PLD5: variants seen among roughly 807,000 people sequenced by gnomAD.
PLD5 encodes the protein inactive phospholipase D5.
PLD5 carries 36 observed loss-of-function variants against 61.1 expected under a neutral mutation model. That is an observed-to-expected ratio of 0.59 (90% CI 0.45 to 0.78). The LOEUF (loss-of-function observed/expected upper bound fraction) is 0.78. Ranked by LOEUF, PLD5 falls within the 30% of genes least tolerant of loss-of-function variation. The pLI is 0.00. For missense variants in PLD5, 515 were observed against 644.4 expected (o/e 0.80, Z 2.17); for synonymous variants, 243 against 242.8 (o/e 1.00, Z -0.01).
In PLD5 at chr1:242,174,033, C is replaced by A. The variant is rs935949397; in HGVS notation, c.735+45955G>T. ...ACACCAAAAGCAATGGCAACAAAAG[C>A]CAAAATGGACAAATGGGATCTAATT... is the stretch of plus-strand genomic sequence containing the variant. On this transcript the variant is annotated intron_variant, in intron 5 of 9. Transcript: ENST00000536534. Among the ~76,000 whole-genome samples, 7 of 151,918 alleles carry A rather than the reference C, an allele frequency of 4.6e-5. No individual in the cohort carries two copies. The South Asian group carries it at 6.3e-4, about 14-fold the overall frequency.
At chr1:242,155,983 C>T (rs1250441786) in intron 5 of PLD5, among the ~76,000 whole-genome samples, 2 of 152,164 alleles carry the variant, frequency 1.3e-5, no homozygotes, top group Non-Finnish European at 2.9e-5. Context: ...GTGTGGGAGT[C>T]TAAGTCTCTT....
chr1:242,485,306 T>C (rs887849504), intron 1 of PLD5, among the ~76,000 whole-genome samples: 1 of 152,210 alleles, frequency 6.6e-6, no homozygotes, highest in Non-Finnish European at 1.5e-5. Flanking sequence ...CGATGACTTC[T>C]AGAAAACCCC....
intron 6 of PLD5, among the ~76,000 whole-genome samples, chr1:242,117,748 CT>C (rs36028930): frequency 0.038 from 5,764 of 152,240 alleles, 356 homozygotes; most frequent in African/African-American, 0.13. Flanking sequence ...CTATTTATTT[CT>C]TTTGCTTTTT....
intron 5 of PLD5, among the ~76,000 whole-genome samples, chr1:242,125,213 T>C (rs978107437): frequency 1.3e-5 from 2 of 152,220 alleles, no homozygotes; most frequent in Non-Finnish European, 2.9e-5. Context: ...GTTGCTATGA[T>C]AATTGAAATG....
rs1267490632 is a variant in PLD5, at chr1:242,087,612, G to GTATT, written c.*2238_*2241dup. The GTATT allele has an allele frequency of 6.6e-6, 1 of 151,804 alleles. No homozygotes were observed. Among genetic ancestry groups the GTATT allele is most frequent in the Non-Finnish European group, 1.5e-5 (1 of 67,976 alleles). 9.4% of individuals were successfully genotyped at this position (151,804 alleles called of 1,614,324 possible). A position where few individuals can be genotyped will look rare whatever the true frequency, so the allele number is the denominator to read the frequency against. ...TATTCTGATTCCTTCTTTCCTTTCT[G>GTATT]TATTTATTTATTTTTAGAGGCAGGA... is the stretch of plus-strand genomic sequence containing the variant. On this transcript the variant is annotated 3_prime_UTR_variant, in exon 10 of 10. Transcript: ENST00000536534.
rs141965155 is a variant in PLD5, at chr1:242,100,768, C to T, written c.1254G>A (p.Leu418=). 6.2e-7 allele frequency: 1 copy of T among 1,610,586 alleles called. No homozygotes were observed. Among genetic ancestry groups the T allele is most frequent in the African/African-American group, 1.3e-5 (1 of 74,514 alleles). Residue 418 remains leucine, a synonymous_variant, in exon 9 of 10, where the codon CTG becomes CTA. Coordinates refer to ENST00000536534, the MANE Select transcript of PLD5 (RefSeq NM_001372062.1). ...NCSLKVKFFD[L]ERENACATKE... is the part of the protein sequence containing the mutation. ...TTGTAGCACAAGCATTCTCTCTTTC[C>T]AGATCAAAAAATTTCTGTAAGAAAA...
intron 1 of PLD5, among the ~76,000 whole-genome samples, chr1:242,368,721 C>T (rs1558502272): frequency 6.6e-6 from 1 of 152,108 alleles, no homozygotes; most frequent in Non-Finnish European, 1.5e-5. Flanking sequence ...AAGGTGGAGC[C>T]CCATGGTGAA....
chr1:242,434,941 T>C (rs1236376894), intron 1 of PLD5, among the ~76,000 whole-genome samples: 4 of 152,152 alleles, frequency 2.6e-5, no homozygotes, highest in Non-Finnish European at 5.9e-5. Flanking sequence ...TAGGTAAACA[T>C]TTACCATGGT....
chr1:242,361,702 A>G (rs1387390922), intron 1 of PLD5, among the ~76,000 whole-genome samples: 6 of 152,218 alleles, frequency 3.9e-5, no homozygotes. Flanking sequence ...AACATTCAAA[A>G]TATTTGAATG....
chr1:242,420,466 T>C (rs1336792951), intron 1 of PLD5, among the ~76,000 whole-genome samples: 1 of 152,222 alleles, frequency 6.6e-6, no homozygotes, highest in Admixed American at 6.5e-5. Context: ...ATTCTTTCTT[T>C]AGATACTAAA....
At chr1:242,396,623 T>C (rs1025492086) in intron 1 of PLD5, among the ~76,000 whole-genome samples, 1 of 151,994 alleles carries the variant, frequency 6.6e-6, no homozygotes. Flanking sequence ...CTTTGAAAAT[T>C]TGTCTTTAGT....
intron 6 of PLD5, among the ~76,000 whole-genome samples, chr1:242,117,608 T>G (rs1394512064): frequency 1.3e-5 from 2 of 152,166 alleles, no homozygotes; most frequent in Admixed American, 1.3e-4. Context: ...CTTGAACACC[T>G]GACCTCATGA....
intron 5 of PLD5, among the ~76,000 whole-genome samples, chr1:242,179,001 G>C (rs1254965940): frequency 2.6e-5 from 4 of 152,188 alleles, no homozygotes; most frequent in African/African-American, 9.7e-5. Context: ...TGAATATTCA[G>C]GGAACCCTGA....
intron 1 of PLD5, among the ~76,000 whole-genome samples, chr1:242,420,328 C>T (rs1331743143): frequency 1.3e-5 from 2 of 152,122 alleles, no homozygotes; most frequent in Non-Finnish European, 2.9e-5. Flanking sequence ...CCTCAATCAA[C>T]ATGTTCCATC....
chr1:242,484,423 A>G lies in PLD5; in HGVS notation c.189+39665T>C, dbSNP rs542254255. On this transcript the variant is annotated intron_variant, in intron 1 of 9. Coordinates refer to ENST00000536534, the MANE Select transcript of PLD5 (RefSeq NM_001372062.1). Reference sequence around the variant, plus strand: ...ATACAAACTACCATCAGAGAATACTATAAACACCTCTATGCAAATAAACTA... The same window carrying G: ...ATACAAACTACCATCAGAGAATACTGTAAACACCTCTATGCAAATAAACTA... Among the ~76,000 whole-genome samples the G allele has an allele frequency of 1.3e-4, 20 of 152,340 alleles. 1 individual carries two copies. In the East Asian group the frequency reaches 3.5e-3, roughly 26 times the overall value.
intron 1 of PLD5, among the ~76,000 whole-genome samples, chr1:242,468,560 ATTT>A (rs1667344161): frequency 1.3e-5 from 2 of 152,052 alleles, no homozygotes; most frequent in African/African-American, 4.8e-5. Context: ...CATGATTTTA[ATTT>A]TTATTATACT....
chr1:242,291,753 A>G (rs2149142829), intron 2 of PLD5, among the ~76,000 whole-genome samples: 1 of 152,072 alleles, frequency 6.6e-6, no homozygotes, highest in South Asian at 2.1e-4. Context: ...CTTGCAGTGA[A>G]CCGAGATTGT....
chr1:242,308,518 T>C (rs1326350005), intron 2 of PLD5, among the ~76,000 whole-genome samples: 1 of 152,212 alleles, frequency 6.6e-6, no homozygotes, highest in African/African-American at 2.4e-5. Flanking sequence ...TTTAAACATA[T>C]TAAAATTATT....
rs532801628 is a variant in PLD5 at position 242,358,935 on chromosome 1, G to A, written c.190-10693C>T. Among the ~76,000 whole-genome samples the A allele has an allele frequency of 3.9e-5, 6 of 152,236 alleles. No individual in the cohort carries two copies. In the South Asian group the frequency reaches 1.2e-3, roughly 32 times the overall value. ...TTCACCACCAGTGGGTAGGGAAAGG[G>A]TTTTCTCATTCCCTGAGGAGCTCCC... is the stretch of plus-strand genomic sequence containing the variant. On this transcript the variant is annotated intron_variant, in intron 1 of 9. Coordinates refer to ENST00000536534, the MANE Select transcript of PLD5 (RefSeq NM_001372062.1).
Sources: allele counts gnomAD v4.1 joint callset (sites outside exome capture counted in the v4.1 genomes callset), GRCh38; gene constraint gnomAD v4.1.1; transcripts MANE v1.5; gene names NCBI Gene and HGNC (gene_info 2026-07-23, HGNC 2026-07-21).